The following FBXO4 variants were observed in gnomAD, a reference collection of about 807,000 sequenced individuals.
FBXO4 encodes F-box only protein 4.
Under a neutral mutation model 43.7 loss-of-function variants are expected in FBXO4, and 36 were observed. That is an observed-to-expected ratio of 0.82 (90% CI 0.63 to 1.09). The LOEUF is 1.09. Among genes scored for constraint, FBXO4 ranks in the 50% least tolerant of loss-of-function variants. FBXO4 has a pLI of 0.00. For missense variants in FBXO4, 435 were observed against 474.1 expected (o/e 0.92, Z 0.77); for synonymous variants, 180 against 165.6 (o/e 1.09, Z -0.67).
chr5:42,000,239 G>A, the FBXO4 span, among the ~76,000 whole-genome samples: 1 of 152,104 alleles, frequency 6.6e-6, no homozygotes, highest in Non-Finnish European at 1.5e-5. Flanking sequence ...GGGCACCTAT[G>A]TTGATTCCAT....
the FBXO4 span, among the ~76,000 whole-genome samples, chr5:41,971,766 G>C: frequency 2.6e-5 from 4 of 152,046 alleles, no homozygotes; most frequent in African/African-American, 9.7e-5. Context: ...GGAAGAAATA[G>C]ATTGATTAAA....
chr5:42,000,354 A>G, the FBXO4 span, among the ~76,000 whole-genome samples: 2 of 152,220 alleles, frequency 1.3e-5, no homozygotes, highest in Admixed American at 1.3e-4. Context: ...AAACCTGCAC[A>G]TGTACCCCTT....
chr5:41,999,243 G>C, the FBXO4 span, among the ~76,000 whole-genome samples: 1,578 of 150,760 alleles, frequency 0.01, 77 homozygotes, highest in Admixed American at 0.072. Context: ...TTAGCATTTT[G>C]GGGTCTAATC....
At chr5:42,038,995 C>T in the FBXO4 span, among the ~76,000 whole-genome samples, 2 of 152,092 alleles carry the variant, frequency 1.3e-5, no homozygotes, top group Non-Finnish European at 2.9e-5. Context: ...GAACCCAGTG[C>T]TTTGCCTCTT....
chr5:41,996,729 T>C, the FBXO4 span, among the ~76,000 whole-genome samples: 283 of 152,268 alleles, frequency 1.9e-3, no homozygotes, highest in Non-Finnish European at 2.9e-3. Context: ...CTTGGTTTTC[T>C]CTTGGTTGTA....
chr5:41,934,058 A>C, intron 4 of FBXO4, 37 bp downstream of exon 4: 1 of 1,610,566 alleles, frequency 6.2e-7, no homozygotes, highest in Non-Finnish European at 8.5e-7. Flanking sequence ...CTGAAACATC[A>C]GAACTAAAAC....
At chr5:41,991,939 G>T in the FBXO4 span, among the ~76,000 whole-genome samples, 1 of 152,114 alleles carries the variant, frequency 6.6e-6, no homozygotes, top group Admixed American at 6.5e-5. Flanking sequence ...TTAGCCAGGC[G>T]TGGTGGGGCA....
At chr5:41,967,998 G>GATACGGCGA in the FBXO4 span, 8 of 436,438 alleles carry the variant, frequency 1.8e-5, no homozygotes, top group Admixed American at 5.3e-5. Context: ...GCCCTTTGTT[G>GATACGGCGA]CCAGAGGCCA....
intron 1 of FBXO4, among the ~76,000 whole-genome samples, chr5:41,926,695 G>T (rs1024770933): frequency 6.6e-6 from 1 of 152,184 alleles, no homozygotes; most frequent in African/African-American, 2.4e-5. Flanking sequence ...TAACTAACTG[G>T]TATATCCAAA....
At chr5:41,995,099 T>C in the FBXO4 span, among the ~76,000 whole-genome samples, 1 of 152,186 alleles carries the variant, frequency 6.6e-6, no homozygotes, top group East Asian at 1.9e-4. Flanking sequence ...GTCTAGCTGC[T>C]TCAGGATGAT....
chr5:41,987,197 A>G, the FBXO4 span, among the ~76,000 whole-genome samples: 2 of 152,184 alleles, frequency 1.3e-5, no homozygotes, highest in Non-Finnish European at 2.9e-5. Context: ...AGATTATAAC[A>G]TTATGTTCAT....
intron 5 of FBXO4, among the ~76,000 whole-genome samples, chr5:41,938,066 AT>A (rs1043274818): frequency 2.0e-5 from 3 of 152,208 alleles, no homozygotes; most frequent in African/African-American, 7.2e-5. Context: ...ATGATAACAG[AT>A]GGAAATTTGC....
chr5:42,028,580 G>A, the FBXO4 span, among the ~76,000 whole-genome samples: 1 of 151,402 alleles, frequency 6.6e-6, no homozygotes, highest in Non-Finnish European at 1.5e-5. Flanking sequence ...GTGTTTTCTG[G>A]TTGTCCTGTG....
At chr5:42,032,152 C>G in the FBXO4 span, among the ~76,000 whole-genome samples, 4 of 151,684 alleles carry the variant, frequency 2.6e-5, no homozygotes, top group African/African-American at 9.7e-5. Context: ...CCTGTGCCCA[C>G]TACCACTGTG....
At chr5:41,973,252 G>A in the FBXO4 span, among the ~76,000 whole-genome samples, 9 of 152,042 alleles carry the variant, frequency 5.9e-5, no homozygotes, top group Non-Finnish European at 1.2e-4. Flanking sequence ...TTGAAAAATG[G>A]GCAAAGGACA....
At chr5:41,960,557 T>A in the FBXO4 span, among the ~76,000 whole-genome samples, 5 of 152,172 alleles carry the variant, frequency 3.3e-5, no homozygotes, top group African/African-American at 1.2e-4. Context: ...AGTTTTATGA[T>A]GAAAGGATGT....
chr5:42,027,951 T>G, the FBXO4 span, among the ~76,000 whole-genome samples: 1 of 151,970 alleles, frequency 6.6e-6, no homozygotes, highest in Non-Finnish European at 1.5e-5. Context: ...TGAACTAACA[T>G]ATGGTCTATC....
chr5:41,964,424 C>A, the FBXO4 span, among the ~76,000 whole-genome samples: 1,179 of 151,608 alleles, frequency 7.8e-3, 11 homozygotes, highest in African/African-American at 0.027. Flanking sequence ...TAAAAAAAAA[C>A]CTTTAATCAG....
chr5:41,978,516 G>T, the FBXO4 span, among the ~76,000 whole-genome samples: 1 of 152,172 alleles, frequency 6.6e-6, no homozygotes, highest in Non-Finnish European at 1.5e-5. Flanking sequence ...TTGGTAAGTG[G>T]TTTTTTTAGG....
Sources: allele counts gnomAD v4.1 joint callset (sites outside exome capture counted in the v4.1 genomes callset), GRCh38; gene constraint gnomAD v4.1.1; transcripts MANE v1.5; gene names NCBI Gene and HGNC (gene_info 2026-07-23, HGNC 2026-07-21).